The following TMEM132D variants were observed in gnomAD, a reference collection of about 807,000 sequenced individuals.
The protein encoded by TMEM132D is transmembrane protein 132D, also known as mature OL transmembrane protein.
TMEM132D carries 21 observed loss-of-function variants against 62.3 expected under a neutral mutation model. The observed-to-expected ratio is 0.34, with a 90% confidence interval of 0.24 to 0.49. The LOEUF is 0.49. Ranked by LOEUF, TMEM132D falls within the 20% of genes least tolerant of loss-of-function variation. The pLI, the probability that TMEM132D is intolerant of heterozygous loss-of-function variation, is 0.99. For synonymous variants in TMEM132D, 621 were observed against 575.6 expected (o/e 1.08, Z -1.13); for missense variants, 1,346 against 1,402.8 (o/e 0.96, Z 0.65).
At chr12:129,468,186 T>C (rs2137045151) in intron 3 of TMEM132D, among the ~76,000 whole-genome samples, 1 of 9,808 alleles carries the variant, frequency 1.0e-4, no homozygotes. Context: ...CACAAAGCTT[T>C]GTGTGTGTGT....
chr12:129,137,035 A>G (rs961562689), intron 5 of TMEM132D, among the ~76,000 whole-genome samples: 32 of 139,886 alleles, frequency 2.3e-4, no homozygotes, highest in Non-Finnish European at 1.2e-4. Flanking sequence ...CACACCATCA[A>G]CACCATCATC....
intron 3 of TMEM132D, among the ~76,000 whole-genome samples, chr12:129,529,239 T>C (rs1876146165): frequency 6.6e-6 from 1 of 152,218 alleles, no homozygotes; most frequent in African/African-American, 2.4e-5. Flanking sequence ...GAATGAAGAA[T>C]TAGGGCTTTT....
At chr12:129,584,704 C>T (rs1223188750) in intron 2 of TMEM132D, among the ~76,000 whole-genome samples, 3 of 152,208 alleles carry the variant, frequency 2.0e-5, no homozygotes, top group East Asian at 1.9e-4. Flanking sequence ...TTGGCTTCAA[C>T]CTGTGGGTTG....
At chr12:129,898,124 C>G (rs779618142) in intron 1 of TMEM132D, among the ~76,000 whole-genome samples, 1 of 152,320 alleles carries the variant, frequency 6.6e-6, no homozygotes, top group Non-Finnish European at 1.5e-5. Flanking sequence ...TGCCATACAA[C>G]AATTACTCAA....
chr12:129,530,990 G>GAAAAAAAAAAAA, intron 3 of TMEM132D, 69 bp downstream of exon 3: 1 of 1,267,184 alleles, frequency 7.9e-7, no homozygotes, highest in Non-Finnish European at 1.0e-6. Context: ...AGCAATCTAG[G>GAAAAAAAAAAAA]AAAAAAAAAA....
At position 129,641,556 on chromosome 12, in the gene TMEM132D, A is replaced by C. The variant is rs143806346; in HGVS notation, c.968+58254T>G. Among the ~76,000 whole-genome samples the C allele has an allele frequency of 1.3e-4, 20 of 152,226 alleles. No homozygotes were observed. In the East Asian group the frequency reaches 3.5e-3, roughly 27 times the overall value. On this transcript the variant is annotated intron_variant, in intron 2 of 8. Transcript: ENST00000422113. The stretch of plus-strand genomic sequence containing the variant: ...TTCCAAAACTAGTCCAGGTCATCTC[A>C]CAAATTTCATGTCATTTCCAAAAAG...
chr12:129,609,295 G>A (rs1878707882), intron 2 of TMEM132D, among the ~76,000 whole-genome samples: 1 of 151,920 alleles, frequency 6.6e-6, no homozygotes, highest in Non-Finnish European at 1.5e-5. Context: ...TTGATGGTTG[G>A]GAACCACCTT....
chr12:129,233,557 T>C (rs1246178100), intron 4 of TMEM132D, among the ~76,000 whole-genome samples: 3 of 152,254 alleles, frequency 2.0e-5, no homozygotes, highest in Non-Finnish European at 4.4e-5. Flanking sequence ...TATGTCAATG[T>C]AACATGGAAG....
At chr12:129,472,613 A>C (rs1874125532) in intron 3 of TMEM132D, among the ~76,000 whole-genome samples, 1 of 152,146 alleles carries the variant, frequency 6.6e-6, no homozygotes, top group Non-Finnish European at 1.5e-5. Flanking sequence ...AACAAACAAA[A>C]AACAACCCCA....
At chr12:129,298,827 T>C (rs1881637638) in intron 4 of TMEM132D, among the ~76,000 whole-genome samples, 1 of 152,224 alleles carries the variant, frequency 6.6e-6, no homozygotes, top group Non-Finnish European at 1.5e-5. Context: ...TTTGGTGGCT[T>C]AGTGACAGGC....
intron 3 of TMEM132D, among the ~76,000 whole-genome samples, chr12:129,390,393 G>C (rs1449021852): frequency 6.6e-6 from 1 of 151,644 alleles, no homozygotes; most frequent in Non-Finnish European, 1.5e-5. Flanking sequence ...TTACCTGGCT[G>C]AATGTCCATC....
intron 4 of TMEM132D, among the ~76,000 whole-genome samples, chr12:129,305,783 G>A (rs1347031795): frequency 6.6e-6 from 1 of 152,146 alleles, no homozygotes; most frequent in Non-Finnish European, 1.5e-5. Context: ...GACATTACAA[G>A]GTCCGGTCCA....
chr12:129,426,738 C>T (rs1225938291), intron 3 of TMEM132D, among the ~76,000 whole-genome samples: 1 of 152,224 alleles, frequency 6.6e-6, no homozygotes, highest in African/African-American at 2.4e-5. Context: ...AATCCCACAA[C>T]AATCACAGGA....
At chr12:129,197,948 C>T (rs1227087477) in intron 5 of TMEM132D, among the ~76,000 whole-genome samples, 1 of 152,118 alleles carries the variant, frequency 6.6e-6, no homozygotes, top group East Asian at 1.9e-4. Context: ...AGTAAGGAAA[C>T]AATCCAATTA....
intron 2 of TMEM132D, among the ~76,000 whole-genome samples, chr12:129,620,459 T>C (rs1330612849): frequency 6.6e-6 from 1 of 152,042 alleles, no homozygotes; most frequent in Non-Finnish European, 1.5e-5. Context: ...CCTAGCTGGG[T>C]ATGGTGGCAC....
chr12:129,691,017 A>T (rs1881050039), intron 2 of TMEM132D, among the ~76,000 whole-genome samples: 1 of 152,144 alleles, frequency 6.6e-6, no homozygotes, highest in Non-Finnish European at 1.5e-5. Flanking sequence ...TAAACTAGAA[A>T]TCAATACTAG....
chr12:129,443,092 G>A (rs1872987716), intron 3 of TMEM132D, among the ~76,000 whole-genome samples: 1 of 152,212 alleles, frequency 6.6e-6, no homozygotes, highest in South Asian at 2.1e-4. Context: ...CTCCCCTTGG[G>A]GTCGGCTGAG....
At chr12:129,268,175 T>C (rs1231917086) in intron 4 of TMEM132D, among the ~76,000 whole-genome samples, 1 of 152,074 alleles carries the variant, frequency 6.6e-6, no homozygotes, top group East Asian at 1.9e-4. Context: ...AAAGCCAAAA[T>C]TGACAAATGG....
At chr12:129,662,532 C>T (rs779911391) in intron 2 of TMEM132D, among the ~76,000 whole-genome samples, 33 of 152,170 alleles carry the variant, frequency 2.2e-4, no homozygotes, top group Non-Finnish European at 4.3e-4. Context: ...CGATGGCTCA[C>T]GCCCATTATC....
Sources: allele counts gnomAD v4.1 joint callset (sites outside exome capture counted in the v4.1 genomes callset), GRCh38; gene constraint gnomAD v4.1.1; transcripts MANE v1.5; gene names NCBI Gene and HGNC (gene_info 2026-07-23, HGNC 2026-07-21).